The following ST6GALNAC5 variants were observed in gnomAD, a reference collection of about 807,000 sequenced individuals.
The protein encoded by ST6GALNAC5 is ST6 N-acetylgalactosaminide alpha-2,6-sialyltransferase 5.
A neutral mutation model predicts 33.6 loss-of-function variants in ST6GALNAC5; 27 were observed. The observed-to-expected ratio is 0.80, with a 90% CI of 0.59 to 1.11. ST6GALNAC5 has a LOEUF of 1.11. Ranked by LOEUF, ST6GALNAC5 falls within the 50% of genes least tolerant of loss-of-function variation. The pLI, the probability that ST6GALNAC5 is intolerant of heterozygous loss-of-function variation, is 0.00. For synonymous variants in ST6GALNAC5, 194 were observed against 171.2 expected (o/e 1.13, Z -1.04); for missense variants, 428 against 454.0 (o/e 0.94, Z 0.52).
At chr1:76,894,306 C>G (rs1447927848) in intron 2 of ST6GALNAC5, among the ~76,000 whole-genome samples, 1 of 152,218 alleles carries the variant, frequency 6.6e-6, no homozygotes, top group African/African-American at 2.4e-5. Context: ...TTGTGTTGAC[C>G]CAGATAGGCC....
At chr1:76,915,706 G>C (rs1269004) in intron 2 of ST6GALNAC5, among the ~76,000 whole-genome samples, 10,788 of 148,390 alleles carry the variant, frequency 0.073, 927 homozygotes, top group African/African-American at 0.21. Flanking sequence ...GGTGAGGGGA[G>C]GGGGGAGGGA....
intron 2 of ST6GALNAC5, among the ~76,000 whole-genome samples, chr1:76,917,984 T>C (rs1013813454): frequency 3.3e-4 from 51 of 152,298 alleles, no homozygotes; most frequent in African/African-American, 1.2e-3. Context: ...CTTTACTCAT[T>C]CTACCAGTTC....
chr1:76,875,169 T>A (rs997161849), intron 2 of ST6GALNAC5, among the ~76,000 whole-genome samples: 2 of 152,228 alleles, frequency 1.3e-5, no homozygotes, highest in African/African-American at 4.8e-5. Context: ...CTCAAGTAGC[T>A]AGTAATGATT....
chr1:76,971,568 A>G (rs1648759687), intron 2 of ST6GALNAC5, among the ~76,000 whole-genome samples: 1 of 152,036 alleles, frequency 6.6e-6, no homozygotes, highest in Non-Finnish European at 1.5e-5. Context: ...GTTCTTTCCA[A>G]TTCTATATTT....
intron 2 of ST6GALNAC5, among the ~76,000 whole-genome samples, chr1:76,979,812 A>G (rs1225621091): frequency 1.3e-5 from 2 of 152,190 alleles, no homozygotes; most frequent in East Asian, 3.9e-4. Flanking sequence ...CTGTAATCCC[A>G]GCTACTTGGG....
chr1:77,000,793 G>T (rs915835331), intron 2 of ST6GALNAC5, among the ~76,000 whole-genome samples: 1 of 151,890 alleles, frequency 6.6e-6, no homozygotes, highest in Admixed American at 6.6e-5. Flanking sequence ...TCAAAGATCA[G>T]ATAGTTGTAG....
chr1:76,879,192 A>C (rs1353975094), intron 2 of ST6GALNAC5, among the ~76,000 whole-genome samples: 2 of 152,154 alleles, frequency 1.3e-5, no homozygotes, highest in Non-Finnish European at 2.9e-5. Flanking sequence ...CCACCATCCC[A>C]ATCTCCCTAA....
intron 2 of ST6GALNAC5, among the ~76,000 whole-genome samples, chr1:77,004,183 T>G (rs1463994264): frequency 1.3e-5 from 2 of 151,720 alleles, no homozygotes; most frequent in Admixed American, 1.3e-4. Context: ...TGGAGGCTTT[T>G]CTCATTTCTT....
chr1:76,946,289 A>G (rs1369259006), intron 2 of ST6GALNAC5, among the ~76,000 whole-genome samples: 5 of 152,082 alleles, frequency 3.3e-5, no homozygotes, highest in African/African-American at 1.2e-4. Flanking sequence ...CAGCTCACTC[A>G]TTTCCTCCAC....
At chr1:76,906,213 G>A (rs1646862836) in intron 2 of ST6GALNAC5, among the ~76,000 whole-genome samples, 1 of 152,152 alleles carries the variant, frequency 6.6e-6, no homozygotes, top group Non-Finnish European at 1.5e-5. Flanking sequence ...ATATAGCTGA[G>A]TTAAAGGCCC....
intron 2 of ST6GALNAC5, among the ~76,000 whole-genome samples, chr1:76,994,663 G>A (rs745458699): frequency 6.6e-5 from 10 of 152,138 alleles, no homozygotes; most frequent in Admixed American, 2.6e-4. Context: ...ATTATGGGTC[G>A]CCAACAGAAG....
intron 2 of ST6GALNAC5, among the ~76,000 whole-genome samples, chr1:77,011,057 G>A (rs1253054865): frequency 6.4e-5 from 7 of 109,322 alleles, no homozygotes; most frequent in Non-Finnish European, 1.4e-4. Flanking sequence ...CCTCTGAAAA[G>A]CAGGGGACAG....
intron 2 of ST6GALNAC5, among the ~76,000 whole-genome samples, chr1:76,937,969 C>T (rs1309647467): frequency 6.6e-6 from 1 of 151,854 alleles, no homozygotes; most frequent in African/African-American, 2.4e-5. Flanking sequence ...GTTTGCAGGC[C>T]CTTGTGTAGG....
intron 2 of ST6GALNAC5, among the ~76,000 whole-genome samples, chr1:77,006,321 ATTTTTT>A (rs71075723): frequency 2.2e-5 from 2 of 92,828 alleles, no homozygotes. Flanking sequence ...CACCCGGCTA[ATTTTTT>A]TTTTTTTTTT....
chr1:76,973,416 TTTATTATTA>T (rs144074793), intron 2 of ST6GALNAC5, among the ~76,000 whole-genome samples: 46 of 148,230 alleles, frequency 3.1e-4, no homozygotes, highest in East Asian at 2.6e-3. Context: ...AGCAGTCAGG[TTTATTATTA>T]TTATTATTAT....
Position 76,966,819 on chromosome 1 carries a change from T to G in ST6GALNAC5, c.262-77385T>G, listed in dbSNP as rs183481412. 6.6e-5 allele frequency among the ~76,000 whole-genome samples: 10 copies of G among 152,344 alleles called. No individual in the cohort carries two copies. In the East Asian group the frequency reaches 1.7e-3, roughly 26 times the overall value. Reference sequence around the variant, plus strand: ...GCTTTTAGCATGAAGGCTGTTGAATTTTATCAAAGGCCTTTTCTGCATCTA... The same window carrying G: ...GCTTTTAGCATGAAGGCTGTTGAATGTTATCAAAGGCCTTTTCTGCATCTA... On this transcript the variant is annotated intron_variant, in intron 2 of 4. Transcript: ENST00000477717.
chr1:76,868,929 C>CA lies in ST6GALNAC5; in HGVS notation c.261+190dup, dbSNP rs1557703653. ...ATGAATTCTTATTTGGAGAAAGACA[C>CA]AAAGTTTTGTAGAAAATAGGGGTGA... is the stretch of plus-strand genomic sequence containing the variant. On this transcript the variant is annotated intron_variant, in intron 2 of 4. Transcript: ENST00000477717. This position sits in a 1 kb window ranked among gnomAD's most constrained non-coding sequence, Gnocchi z 4.3. The CA allele has an allele frequency of 2.0e-6, 2 of 1,020,798 alleles. No homozygotes were observed. Among genetic ancestry groups the CA allele is most frequent in the African/African-American group, 3.4e-5 (2 of 58,530 alleles). 63.2% of individuals were successfully genotyped at this position (1,020,798 alleles called of 1,614,324 possible). A position where few individuals can be genotyped will look rare whatever the true frequency, so the allele number is the denominator to read the frequency against.
chr1:77,002,448 G>A (rs1328925312), intron 2 of ST6GALNAC5, among the ~76,000 whole-genome samples: 1 of 152,076 alleles, frequency 6.6e-6, no homozygotes, highest in African/African-American at 2.4e-5. Context: ...CCAGCTCCTG[G>A]ATTCATTAAT....
chr1:76,998,442 T>C (rs1250521720), intron 2 of ST6GALNAC5, among the ~76,000 whole-genome samples: 1 of 152,068 alleles, frequency 6.6e-6, no homozygotes, highest in Non-Finnish European at 1.5e-5. Context: ...AATGACATTT[T>C]AAAGGGAAAA....
Sources: allele counts gnomAD v4.1 joint callset (sites outside exome capture counted in the v4.1 genomes callset), GRCh38; gene constraint gnomAD v4.1.1; non-coding constraint Gnocchi (gnomAD v3.1); transcripts MANE v1.5; gene names NCBI Gene and HGNC (gene_info 2026-07-23, HGNC 2026-07-21).